The following FHIT variants were observed in gnomAD, a reference collection of about 807,000 sequenced individuals.
FHIT encodes the protein bis(5'-adenosyl)-triphosphatase.
A neutral mutation model predicts 17.9 loss-of-function variants in FHIT; 19 were observed. The ratio of observed to expected loss-of-function variants is 1.06; its 90% CI spans 0.74 to 1.56. The LOEUF (loss-of-function observed/expected upper bound fraction) is 1.56, where lower values mean the gene tolerates loss of function less well. Among genes scored for constraint, FHIT ranks in the 40% most tolerant of loss-of-function variants. The pLI, the probability that FHIT is intolerant of heterozygous loss-of-function variation, is 0.00. For synonymous variants in FHIT, 81 were observed against 69.7 expected (o/e 1.16, Z -0.81); for missense variants, 248 against 189.2 (o/e 1.31, Z -1.82).
intron 4 of FHIT, among the ~76,000 whole-genome samples, chr3:60,564,208 G>A (rs979376726): frequency 6.6e-6 from 1 of 152,130 alleles, no homozygotes; most frequent in African/African-American, 2.4e-5. Flanking sequence ...CAGCACATCT[G>A]TCTGTTGCAT....
intron 6 of FHIT, 119 bp downstream of exon 6, chr3:60,013,888 C>T: frequency 9.5e-7 from 1 of 1,054,426 alleles, no homozygotes; most frequent in Non-Finnish European, 1.4e-6. Flanking sequence ...CTTTTTTTGG[C>T]TGCTACCTAA....
intron 5 of FHIT, among the ~76,000 whole-genome samples, chr3:60,230,948 T>C (rs552429211): frequency 3.3e-5 from 5 of 152,340 alleles, no homozygotes; most frequent in Admixed American, 3.3e-4. Flanking sequence ...TGGCCTCAAG[T>C]GATCTGCCCT....
intron 4 of FHIT, among the ~76,000 whole-genome samples, chr3:60,551,594 G>A (rs1478876524): frequency 2.1e-5 from 2 of 95,594 alleles, no homozygotes; most frequent in Admixed American, 1.1e-4. Flanking sequence ...GAGGAGAGAG[G>A]AGAGGAGAGG....
chr3:60,568,031 T>C (rs887281259), intron 4 of FHIT, among the ~76,000 whole-genome samples: 19 of 152,178 alleles, frequency 1.2e-4, no homozygotes, highest in African/African-American at 3.9e-4. Flanking sequence ...AGTTCAACCA[T>C]TGTGGAAGTC....
At chr3:60,475,975 G>A (rs764067780) in intron 5 of FHIT, among the ~76,000 whole-genome samples, 1 of 152,130 alleles carries the variant, frequency 6.6e-6, no homozygotes, top group Non-Finnish European at 1.5e-5. Context: ...TAACACACAG[G>A]GAACTTGGCA....
chr3:60,730,155 G>T (rs569476599), intron 4 of FHIT: 25 of 444,212 alleles, frequency 5.6e-5, no homozygotes, highest in African/African-American at 3.6e-4. Flanking sequence ...GGACCACTGG[G>T]CTGTTTGTGT....
intron 3 of FHIT, among the ~76,000 whole-genome samples, chr3:60,842,048 G>A (rs913675482): frequency 3.9e-5 from 6 of 152,052 alleles, no homozygotes; most frequent in East Asian, 1.9e-4. Flanking sequence ...AGGACGCTCC[G>A]AGGGCCTACA....
At chr3:60,341,442 C>A (rs113511733) in intron 5 of FHIT, among the ~76,000 whole-genome samples, 15 of 152,256 alleles carry the variant, frequency 9.9e-5, no homozygotes, top group Admixed American at 2.0e-4. Context: ...ACCAGGCCCA[C>A]GTGGAGACAA....
intron 8 of FHIT, among the ~76,000 whole-genome samples, chr3:59,850,020 A>G (rs139930053): frequency 1.5e-3 from 229 of 152,308 alleles, no homozygotes; most frequent in African/African-American, 5.1e-3. Flanking sequence ...TTAATTAGGT[A>G]TATTTTTTCC....
At chr3:61,073,188 C>G (rs1333291358) in intron 2 of FHIT, among the ~76,000 whole-genome samples, 1 of 152,138 alleles carries the variant, frequency 6.6e-6, no homozygotes, top group Non-Finnish European at 1.5e-5. Context: ...AAGAGGTTCC[C>G]TAGATAGATC....
chr3:60,719,118 C>G (rs1053127023), intron 4 of FHIT, among the ~76,000 whole-genome samples: 26 of 152,140 alleles, frequency 1.7e-4, no homozygotes, highest in African/African-American at 6.3e-4. Context: ...TTGGCCTTAG[C>G]TCTGAAAGAA....
At chr3:60,286,901 T>G (rs73101215) in intron 5 of FHIT, among the ~76,000 whole-genome samples, 15,200 of 152,046 alleles carry the variant, frequency 0.1, 903 homozygotes, top group Non-Finnish European at 0.13. Context: ...AGCTCTTCCC[T>G]GCAAAAAAAA....
chr3:61,075,109 A>T (rs1197759496), intron 2 of FHIT, among the ~76,000 whole-genome samples: 1 of 152,162 alleles, frequency 6.6e-6, no homozygotes, highest in African/African-American at 2.4e-5. Flanking sequence ...TTCTACCAAA[A>T]AATGTCTTAG....
At chr3:59,789,445 TCTC>T (rs1380642200) in intron 8 of FHIT, among the ~76,000 whole-genome samples, 7 of 152,204 alleles carry the variant, frequency 4.6e-5, no homozygotes, top group African/African-American at 1.7e-4. Context: ...ATTTTTCTCT[TCTC>T]CGTTGCTAAG....
chr3:59,845,533 C>A (rs143779933), intron 8 of FHIT, among the ~76,000 whole-genome samples: 1 of 151,564 alleles, frequency 6.6e-6, no homozygotes, highest in Non-Finnish European at 1.5e-5. Context: ...TTATTTAATC[C>A]AGTTGTTGCT....
At chr3:60,347,159 C>T (rs1293376930) in intron 5 of FHIT, among the ~76,000 whole-genome samples, 1 of 151,660 alleles carries the variant, frequency 6.6e-6, no homozygotes, top group Admixed American at 6.6e-5. Context: ...ATGTGGTATG[C>T]CTATCAGCAG....
chr3:59,985,829 G>A (rs756211138), intron 7 of FHIT, among the ~76,000 whole-genome samples: 6 of 152,038 alleles, frequency 3.9e-5, no homozygotes, highest in Non-Finnish European at 8.8e-5. Flanking sequence ...CACAGCGCAG[G>A]TGTCCACTCA....
At position 60,023,261 on chromosome 3, in the gene FHIT, AAAGT is replaced by A. The variant is rs148749300; in HGVS notation, c.104-9113_104-9110del. Among the ~76,000 whole-genome samples, 911 of 152,360 alleles carry A rather than the reference AAAGT, an allele frequency of 6.0e-3. 11 individuals carry two copies. Among genetic ancestry groups the A allele is most frequent in the African/African-American group, 0.021 (864 of 41,578 alleles). ...AGCTTTTTAGTGAAGTAGAGATGAG[AAAGT>A]AATACTAAAAATCTGCAATTCATTG... On this transcript the variant is annotated intron_variant, in intron 5 of 9. Transcript: ENST00000492590.
At chr3:61,046,164 ACG>A (rs2033775456) in intron 2 of FHIT, among the ~76,000 whole-genome samples, 1 of 151,526 alleles carries the variant, frequency 6.6e-6, no homozygotes, top group Non-Finnish European at 1.5e-5. Context: ...GGAGATAGAG[ACG>A]CAAAAAACCC....
Sources: gnomAD v4.1 joint callset for allele counts (sites outside exome capture counted in the v4.1 genomes callset) on GRCh38, gnomAD v4.1.1 for gene constraint, MANE v1.5 for transcripts, NCBI Gene and HGNC (gene_info 2026-07-23, HGNC 2026-07-21) for gene names.